Variants in SPRED1 observed in about 807,000 individuals in gnomAD.
The protein encoded by SPRED1 is sprouty-related, EVH1 domain-containing protein 1.
In SPRED1, 18 loss-of-function variants were observed where a neutral mutation model predicts 52.3. The observed-to-expected ratio is 0.34, with a 90% CI of 0.24 to 0.51. The LOEUF (loss-of-function observed/expected upper bound fraction) is 0.51. SPRED1 is among the 20% of genes least tolerant of loss of function. The pLI, the probability that SPRED1 is intolerant of heterozygous loss-of-function variation, is 0.97. For missense variants in SPRED1, 485 were observed against 551.0 expected, an observed-to-expected ratio of 0.88 and a Z score of 1.20; for synonymous variants, 155 against 179.7, an observed-to-expected ratio of 0.86 and a Z score of 1.10.
intron 1 of SPRED1, among the ~76,000 whole-genome samples, chr15:38,262,716 T>C (rs943770665): frequency 6.6e-6 from 1 of 152,196 alleles, no homozygotes; most frequent in African/African-American, 2.4e-5. Context: ...CAGAAGCCCC[T>C]GGAAATCAGT....
At chr15:38,265,648 A>G (rs954403110) in intron 1 of SPRED1, among the ~76,000 whole-genome samples, 1 of 151,994 alleles carries the variant, frequency 6.6e-6, no homozygotes, top group Non-Finnish European at 1.5e-5. Flanking sequence ...TAATACAACT[A>G]TTTAGTTATA....
At chr15:38,344,893 G>A (rs1896100578) in intron 5 of SPRED1, among the ~76,000 whole-genome samples, 1 of 151,504 alleles carries the variant, frequency 6.6e-6, no homozygotes, top group Non-Finnish European at 1.5e-5. Flanking sequence ...TTATACATTT[G>A]CTGGTGTTAT....
chr15:38,304,816 C>T (rs1219948255), intron 2 of SPRED1, among the ~76,000 whole-genome samples: 5 of 152,082 alleles, frequency 3.3e-5, no homozygotes, highest in South Asian at 2.1e-4. Context: ...TTCATGTCTT[C>T]GCTATTACAT....
chr15:38,265,656 A>C (rs987214757), intron 1 of SPRED1, among the ~76,000 whole-genome samples: 8 of 152,052 alleles, frequency 5.3e-5, no homozygotes, highest in African/African-American at 1.9e-4. Flanking sequence ...CTATTTAGTT[A>C]TAAAAGGAGT....
intron 2 of SPRED1, among the ~76,000 whole-genome samples, chr15:38,302,930 G>A (rs970531095): frequency 6.6e-6 from 1 of 152,128 alleles, no homozygotes; most frequent in African/African-American, 2.4e-5. Context: ...TTGGAAGGCC[G>A]AGGCAGGCGG....
chr15:38,281,484 CT>C (rs1348179008), intron 1 of SPRED1, among the ~76,000 whole-genome samples: 7 of 152,040 alleles, frequency 4.6e-5, no homozygotes, highest in Admixed American at 3.9e-4. Flanking sequence ...CCTCAAACTC[CT>C]GGGCTCAAGC....
chr15:38,252,975 G>C lies in SPRED1; in HGVS notation c.-211G>C. The C allele has an allele frequency of 1.7e-6, 1 of 602,422 alleles. No individual in the cohort carries two copies. Among genetic ancestry groups the C allele is most frequent in the Non-Finnish European group, 2.9e-6 (1 of 339,714 alleles). The allele number at this position is 602,422 out of a possible 1,614,324, so 37.3% of individuals were successfully genotyped here. ...GGGAAGAGGCTGGGGTCGCCACGGC[G>C]GAGGTTGCTGCCGCCACCCCCCTGC... On this transcript the variant is annotated 5_prime_UTR_variant, in exon 1 of 7. Transcript: ENST00000299084.
intron 1 of SPRED1, among the ~76,000 whole-genome samples, chr15:38,272,792 T>C (rs1365203054): frequency 6.6e-6 from 1 of 152,206 alleles, no homozygotes; most frequent in African/African-American, 2.4e-5. Context: ...ATTAGTGATA[T>C]GGAGCATTTT....
intron 1 of SPRED1, among the ~76,000 whole-genome samples, chr15:38,262,307 A>G (rs1312963401): frequency 6.6e-6 from 1 of 152,250 alleles, no homozygotes; most frequent in Non-Finnish European, 1.5e-5. Flanking sequence ...CACAAGGGAA[A>G]TAGATACTTC....
intron 1 of SPRED1, chr15:38,298,716 T>G (rs185013686): frequency 2.8e-4 from 55 of 196,426 alleles, no homozygotes; most frequent in African/African-American, 1.3e-3. Context: ...TTATTCTCTT[T>G]GGACTACTAT....
intron 4 of SPRED1, among the ~76,000 whole-genome samples, chr15:38,330,790 A>G (rs1895792539): frequency 6.6e-6 from 1 of 152,122 alleles, no homozygotes; most frequent in Admixed American, 6.5e-5. Flanking sequence ...GTGATTTACA[A>G]TTACAAGAAT....
chr15:38,283,516 G>A, intron 1 of SPRED1: 1 of 984,736 alleles, frequency 1.0e-6, no homozygotes. Flanking sequence ...GCATGATGAT[G>A]GAATCTGCTT....
At chr15:38,267,328 A>C (rs1272300342) in intron 1 of SPRED1, among the ~76,000 whole-genome samples, 1 of 152,146 alleles carries the variant, frequency 6.6e-6, no homozygotes, top group Non-Finnish European at 1.5e-5. Flanking sequence ...GCTCTTTGCT[A>C]TTACAAATAA....
chr15:38,259,812 A>G (rs891200007), intron 1 of SPRED1, among the ~76,000 whole-genome samples: 1 of 152,230 alleles, frequency 6.6e-6, no homozygotes, highest in Non-Finnish European at 1.5e-5. Flanking sequence ...TAGATTTATG[A>G]TAAGTATTAT....
At chr15:38,316,903 T>A (rs1042637683) in intron 2 of SPRED1, among the ~76,000 whole-genome samples, 1 of 151,702 alleles carries the variant, frequency 6.6e-6, no homozygotes, top group Non-Finnish European at 1.5e-5. Flanking sequence ...CAGTGAAGGG[T>A]TATTCGTGTC....
At chr15:38,328,672 T>G (rs998980844) in intron 4 of SPRED1, among the ~76,000 whole-genome samples, 7 of 152,150 alleles carry the variant, frequency 4.6e-5, no homozygotes, top group African/African-American at 1.7e-4. Flanking sequence ...TTCTTTTCAT[T>G]TGGTTTCTTT....
intron 5 of SPRED1, among the ~76,000 whole-genome samples, chr15:38,341,407 C>CT (rs1309892253): frequency 2.7e-5 from 4 of 150,574 alleles, no homozygotes; most frequent in Non-Finnish European, 5.9e-5. Flanking sequence ...TTTTTTTCAG[C>CT]TTTTTTCCTT....
chr15:38,321,295 C>A (rs890258355), intron 2 of SPRED1, among the ~76,000 whole-genome samples: 2 of 152,072 alleles, frequency 1.3e-5, no homozygotes, highest in African/African-American at 4.8e-5. Flanking sequence ...TACTTTTCTA[C>A]AAATTTGAAA....
chr15:38,325,910 A>C (rs992855626), intron 4 of SPRED1: 5 of 152,194 alleles, frequency 3.3e-5, no homozygotes, highest in Admixed American at 6.5e-5. Context: ...TTGTTATTTT[A>C]AGCCACTAAA....
Sources: gnomAD v4.1 joint callset for allele counts (sites outside exome capture counted in the v4.1 genomes callset) on GRCh38, gnomAD v4.1.1 for gene constraint, MANE v1.5 for transcripts, NCBI Gene and HGNC (gene_info 2026-07-23, HGNC 2026-07-21) for gene names.